Variants in MEX3A observed in about 807,000 individuals in gnomAD.
MEX3A encodes mex-3 RNA binding family member A.
A neutral mutation model predicts 30.0 loss-of-function variants in MEX3A; 4 were observed. The observed-to-expected ratio is 0.13, with a 90% CI of 0.07 to 0.30. The LOEUF (loss-of-function observed/expected upper bound fraction) is 0.30, where lower values mean the gene tolerates loss of function less well. Ranked by LOEUF, MEX3A falls within the 10% of genes least tolerant of loss-of-function variation. The probability of loss-of-function intolerance (pLI) is 1.00; values close to 1 mark genes in which losing one functional copy is unlikely to be tolerated. For synonymous variants in MEX3A, 335 were observed against 327.6 expected, an observed-to-expected ratio of 1.02 and a Z score of -0.24; for missense variants, 555 against 736.7, an observed-to-expected ratio of 0.75 and a Z score of 2.86.
rs1256666686 is a variant in MEX3A, at chr1:156,076,710, T to C, written c.1427A>G (p.Glu476Gly). 6.2e-7 allele frequency: 1 copy of C among 1,613,626 alleles called. No homozygotes were observed. The highest frequency in any genetic ancestry group is 1.7e-5 in the Admixed American group (1 of 59,966). Residue 476 changes from glutamate (E) to glycine (G), a missense_variant, in exon 2 of 2, where the codon GAA (glutamate) becomes GGA (glycine). Physicochemically the swap from Glu to Gly is moderately conservative, Grantham distance 98. Around this residue, in one of 6 missense-constraint regions of MEX3A, gnomAD observed 281 missense variants for 265.1 expected, o/e 1.06. Coordinates refer to ENST00000532414, the MANE Select transcript of MEX3A (RefSeq NM_001093725.2). This position sits in a 1 kb window ranked among gnomAD's most constrained non-coding sequence, Gnocchi z 6.0. ...GCAGGGCACAAGGGCGGCAGTCACT[T>C]CGCTCTCAAAGCAGACCATGCAATC... ...GRDCMVCFES[E>G]VTAALVPCGH...
intron 1 of MEX3A, among the ~76,000 whole-genome samples, chr1:156,079,300 G>A (rs1430040572): frequency 9.2e-5 from 14 of 152,026 alleles, no homozygotes; most frequent in Non-Finnish European, 1.8e-4. Flanking sequence ...TGCAACCTCT[G>A]CCTCCTGGGT....
chr1:156,081,509 TA>T, intron 1 of MEX3A, 35 bp downstream of exon 1: 1 of 1,569,702 alleles, frequency 6.4e-7, no homozygotes, highest in Admixed American at 1.7e-5. Context: ...GTGCCCCCAC[TA>T]CAGTCCCTCT....
In MEX3A at chr1:156,073,012, AC is replaced by A. The variant is rs1647958480; in HGVS notation, c.*3561del. The A allele has an allele frequency of 1.3e-5, 2 of 152,372 alleles. No homozygotes were observed. 9.4% of individuals were successfully genotyped at this position (152,372 alleles called of 1,614,324 possible). On this transcript the variant is annotated 3_prime_UTR_variant, in exon 2 of 2. Coordinates refer to ENST00000532414, the MANE Select transcript of MEX3A (RefSeq NM_001093725.2). Reference sequence around the variant, plus strand: ...AGCTGGATGGGAACAGGGGTAGGGGACTGATCGCCTCAGTGCTCTTGAAGCT... The same window carrying A: ...AGCTGGATGGGAACAGGGGTAGGGGATGATCGCCTCAGTGCTCTTGAAGCT...
rs942591496 is a variant in MEX3A, at chr1:156,074,310, A to C, written c.*2264T>G. On this transcript the variant is annotated 3_prime_UTR_variant, in exon 2 of 2. Coordinates refer to ENST00000532414, the MANE Select transcript of MEX3A (RefSeq NM_001093725.2). ...TCATATAATAAATTACCTAATAAAA[A>C]GTCTTTTTTTTTCATATTAGCCCAG... 7.9e-5 allele frequency: 12 copies of C among 151,958 alleles called. No homozygotes were observed. The highest frequency in any genetic ancestry group is 1.3e-4 in the Admixed American group (2 of 15,252). 9.4% of individuals were successfully genotyped at this position (151,958 alleles called of 1,614,324 possible).
chr1:156,080,390 G>A (rs1411996949), intron 1 of MEX3A, among the ~76,000 whole-genome samples: 1 of 152,086 alleles, frequency 6.6e-6, no homozygotes, highest in African/African-American at 2.4e-5. Flanking sequence ...ATGTGGAGTA[G>A]GGGCCCCCCT....
rs373057977 is a variant in MEX3A, at chr1:156,077,139, G to A, written c.998C>T (p.Thr333Ile). 1 of 1,613,624 alleles carries A rather than the reference G, an allele frequency of 6.2e-7. No individual in the cohort carries two copies. The highest frequency in any genetic ancestry group is 1.3e-5 in the African/African-American group (1 of 74,948). ...GCAGCCCAGGCTGTTCTGCCGGAAG[G>A]TGGAGAGGGGCTTGCAGCCGGGCTG... ...VHQPGCKPLS[T>I]FRQNSLGCIG... is the part of the protein sequence containing the mutation. The change falls in exon 2 of 2, where the codon ACC becomes ATC. Residue 333 changes from threonine (T) to isoleucine (I), a missense_variant. Thr to Ile is a moderately conservative substitution (Grantham distance 89). Around this residue, in one of 6 missense-constraint regions of MEX3A, gnomAD observed 281 missense variants for 265.1 expected, o/e 1.06. Transcript: ENST00000532414. The surrounding 1 kb of genome is among the most constrained non-coding windows in gnomAD (Gnocchi z 8.3).
Position 156,076,065 on chromosome 1 carries a change from C to T in MEX3A, c.*509G>A, listed in dbSNP as rs184528562. 1.3e-5 allele frequency: 2 copies of T among 153,216 alleles called. No individual in the cohort carries two copies. The highest frequency in any genetic ancestry group is 1.3e-4 in the Admixed American group (2 of 15,372). 9.5% of individuals were successfully genotyped at this position (153,216 alleles called of 1,614,324 possible). ...TGGAAACTGGTGACAGTTTCCCAAA[C>T]AGGATATGGGGGTGGGGTGGGAGGT... On this transcript the variant is annotated 3_prime_UTR_variant, in exon 2 of 2. Coordinates refer to ENST00000532414, the MANE Select transcript of MEX3A (RefSeq NM_001093725.2). This position sits in a 1 kb window ranked among gnomAD's most constrained non-coding sequence, Gnocchi z 6.0.
chr1:156,080,382 G>A (rs1226993681), intron 1 of MEX3A, among the ~76,000 whole-genome samples: 2 of 152,088 alleles, frequency 1.3e-5, no homozygotes, highest in African/African-American at 2.4e-5. Flanking sequence ...AAGGTGGGAT[G>A]TGGAGTAGGG....
rs1424921124 is a variant in MEX3A at position 156,075,272 on chromosome 1, A to G, written c.*1302T>C. The G allele has an allele frequency of 6.6e-6, 1 of 152,292 alleles. No individual in the cohort carries two copies. The highest frequency in any genetic ancestry group is 1.5e-5 in the Non-Finnish European group (1 of 68,034). The allele number at this position is 152,292 out of a possible 1,614,324, so 9.4% of individuals were successfully genotyped here. A position where few individuals can be genotyped will look rare whatever the true frequency, so the allele number is the denominator to read the frequency against. On this transcript the variant is annotated 3_prime_UTR_variant, in exon 2 of 2. Transcript: ENST00000532414. ...CAAGCTAATAAGGATTCAAGCTAATAAGGATTCAATAAAGGTTCAGGTCAG... is the reference window on the plus strand; with the variant it reads ...CAAGCTAATAAGGATTCAAGCTAATGAGGATTCAATAAAGGTTCAGGTCAG...
Position 156,076,953 on chromosome 1 carries a change from T to A in MEX3A, c.1184A>T (p.Gln395Leu), listed in dbSNP as rs368495406. 1.1e-4 allele frequency: 179 copies of A among 1,609,342 alleles called. No individual in the cohort carries two copies. Among genetic ancestry groups the A allele is most frequent in the Non-Finnish European group, 1.4e-4 (163 of 1,178,054 alleles). The change falls in exon 2 of 2, where the codon CAG becomes CTG. Residue 395 changes from glutamine (Q) to leucine (L), a missense_variant. Gln to Leu is a moderately radical substitution (Grantham distance 113). Transcript: ENST00000532414. The surrounding 1 kb of genome is among the most constrained non-coding windows in gnomAD (Gnocchi z 6.0). ...CACGGAGGTGGGCGTGGCGTTCTCC[T>A]GGCCCGCCCACAGCGGGGGGCTAGT... ...AETSPPLWAG[Q>L]ENATPTSVLF...
rs1647981807 is a variant in MEX3A at position 156,073,814 on chromosome 1, G to A, written c.*2760C>T. 1 of 152,502 alleles carries A rather than the reference G, an allele frequency of 6.6e-6. No homozygotes were observed. The highest frequency in any genetic ancestry group is 6.6e-5 in the Admixed American group (1 of 15,264). 9.4% of individuals were successfully genotyped at this position (152,502 alleles called of 1,614,324 possible). A position where few individuals can be genotyped will look rare whatever the true frequency, so the allele number is the denominator to read the frequency against. ...ATAGGCCTGCTAGGCCTTAATTCTG[G>A]ATTCCCCCTCCTCACTTGCCCCTGC... is the stretch of plus-strand genomic sequence containing the variant. On this transcript the variant is annotated 3_prime_UTR_variant, in exon 2 of 2. Coordinates refer to ENST00000532414, the MANE Select transcript of MEX3A (RefSeq NM_001093725.2).
intron 1 of MEX3A, among the ~76,000 whole-genome samples, chr1:156,080,876 G>A (rs1472979801): frequency 6.6e-6 from 1 of 152,028 alleles, no homozygotes; most frequent in Non-Finnish European, 1.5e-5. Flanking sequence ...GCCAGAGAGG[G>A]AAGAGGAGAG....
At position 156,076,849 on chromosome 1, in the gene MEX3A, C is replaced by T. The variant is rs1300241593; in HGVS notation, c.1288G>A (p.Ala430Thr). 6.5e-7 allele frequency: 1 copy of T among 1,541,856 alleles called. No homozygotes were observed. Among genetic ancestry groups the T allele is most frequent in the African/African-American group, 1.4e-5 (1 of 72,888 alleles). The change falls in exon 2 of 2, where the codon GCC (alanine) becomes ACC (threonine). Residue 430 changes from alanine (A) to threonine (T), a missense_variant. By Grantham distance (58) the Ala-to-Thr change is moderately conservative (BLOSUM62 0). Transcript: ENST00000532414. This position sits in a 1 kb window ranked among gnomAD's most constrained non-coding sequence, Gnocchi z 6.0. ...AGPPGAHRSP[A>T]TSAGPELAGL... is the part of the protein sequence containing the mutation. ...GCCAGCTCGGGTCCCGCGGAAGTGG[C>T]AGGGGAGCGGTGTGCGCCCGGGGGC...
rs372209367 is a variant in MEX3A at position 156,076,792 on chromosome 1, G to A, written c.1345C>T (p.Leu449Phe). ...CCACCAAGTTTAGAGAAGCCCTGGA[G>A]CGGCTCTCCCGGGGGGCGCCTCGGG... ...GLPRRPPGEP[L>F]QGFSKLGGGG... The change falls in exon 2 of 2, where the codon CTC (leucine) becomes TTC (phenylalanine). Residue 449 changes from leucine (L) to phenylalanine (F), a missense_variant. Leu to Phe is a conservative substitution (Grantham distance 22). Coordinates refer to ENST00000532414, the MANE Select transcript of MEX3A (RefSeq NM_001093725.2). The surrounding 1 kb of genome is among the most constrained non-coding windows in gnomAD (Gnocchi z 6.0). 218 of 1,570,562 alleles carry A rather than the reference G, an allele frequency of 1.4e-4. No individual in the cohort carries two copies. The highest frequency in any genetic ancestry group is 1.0e-3 in the Middle Eastern group (6 of 5,938).
chr1:156,077,708 G>A lies in MEX3A; in HGVS notation c.455-26C>T, dbSNP rs369231491. ...CTGGGATAGGGCGGGGAAGGAGAGA[G>A]ACAAAGAAACGCACACAGCAAGGTT... On this transcript the variant is annotated intron_variant, in intron 1 of 1. Transcript: ENST00000532414. This position sits in a 1 kb window ranked among gnomAD's most constrained non-coding sequence, Gnocchi z 8.3. 6.5e-7 allele frequency: 1 copy of A among 1,547,646 alleles called. No individual in the cohort carries two copies. Among genetic ancestry groups the A allele is most frequent in the East Asian group, 2.3e-5 (1 of 44,312 alleles).
At position 156,081,603 on chromosome 1, in the gene MEX3A, G is replaced by A. The variant is rs1392761052; in HGVS notation, c.396C>T (p.Thr132=). Residue 132 remains threonine, a synonymous_variant, in exon 1 of 2, where the codon ACC becomes ACT. Coordinates refer to ENST00000532414, the MANE Select transcript of MEX3A (RefSeq NM_001093725.2). ...AGGTGGGCACGGGAACACACTCCGT[G>A]GTGTTGCTGCTGCCCTTCAGGCGCA... ...AELRLKGSSN[T]TECVPVPTSE... The A allele has an allele frequency of 6.3e-7, 1 of 1,587,316 alleles. No homozygotes were observed. Among genetic ancestry groups the A allele is most frequent in the Non-Finnish European group, 8.6e-7 (1 of 1,169,346 alleles).
chr1:156,075,625 T>A lies in MEX3A; in HGVS notation c.*949A>T, dbSNP rs1648037026. ...GGGCCTCCAGATGCCTGAAGAGGAATGGAGGGACCATCCAAATATTCCTCC... is the reference window on the plus strand; with the variant it reads ...GGGCCTCCAGATGCCTGAAGAGGAAAGGAGGGACCATCCAAATATTCCTCC... On this transcript the variant is annotated 3_prime_UTR_variant, in exon 2 of 2. Coordinates refer to ENST00000532414, the MANE Select transcript of MEX3A (RefSeq NM_001093725.2). The A allele has an allele frequency of 1.3e-5, 2 of 152,738 alleles. No homozygotes were observed. The allele number at this position is 152,738 out of a possible 1,614,324, so 9.5% of individuals were successfully genotyped here.
chr1:156,076,806 G>A lies in MEX3A; in HGVS notation c.1331C>T (p.Pro444Leu). The part of the protein sequence containing the change: ...GPELAGLPRR[P>L]PGEPLQGFSK... ...GAAGCCCTGGAGCGGCTCTCCCGGG[G>A]GGCGCCTCGGGAGTCCGGCCAGCTC... Residue 444 changes from proline (P) to leucine (L), a missense_variant, in exon 2 of 2, where the codon CCC becomes CTC. Coordinates refer to ENST00000532414, the MANE Select transcript of MEX3A (RefSeq NM_001093725.2). This position sits in a 1 kb window ranked among gnomAD's most constrained non-coding sequence, Gnocchi z 6.0. 1.3e-6 allele frequency: 2 copies of A among 1,557,938 alleles called. No homozygotes were observed. The highest frequency in any genetic ancestry group is 1.7e-6 in the Non-Finnish European group (2 of 1,151,148).
Position 156,077,731 on chromosome 1 carries a change from G to A in MEX3A, c.455-49C>T, listed in dbSNP as rs1393505989. ...GAGACAAAGAAACGCACACAGCAAG[G>A]TTTGTGCTGGGACCAATAAATTCCT... On this transcript the variant is annotated intron_variant, in intron 1 of 1. Transcript: ENST00000532414. The surrounding 1 kb of genome is among the most constrained non-coding windows in gnomAD (Gnocchi z 8.3). The A allele has an allele frequency of 6.6e-7, 1 of 1,520,908 alleles. No individual in the cohort carries two copies. Among genetic ancestry groups the A allele is most frequent in the Non-Finnish European group, 8.8e-7 (1 of 1,139,966 alleles). 94.2% of individuals were successfully genotyped at this position (1,520,908 alleles called of 1,614,324 possible).
Sources: gnomAD v4.1 joint callset for allele counts (sites outside exome capture counted in the v4.1 genomes callset) on GRCh38, gnomAD v4.1.1 for gene constraint, gnomAD v4.1.1 regional missense constraint, Gnocchi (gnomAD v3.1) non-coding constraint, MANE v1.5 for transcripts, NCBI Gene and HGNC (gene_info 2026-07-23, HGNC 2026-07-21) for gene names.